Variants in AEBP1 observed in about 807,000 individuals in gnomAD.
The protein encoded by AEBP1 is adipocyte enhancer-binding protein 1.
A neutral mutation model predicts 116.5 loss-of-function variants in AEBP1; 69 were observed. The ratio of observed to expected loss-of-function variants is 0.59; its 90% confidence interval spans 0.49 to 0.72. The LOEUF (loss-of-function observed/expected upper bound fraction) is 0.72, where lower values mean the gene tolerates loss of function less well. Ranked by LOEUF, AEBP1 falls within the 30% of genes least tolerant of loss-of-function variation. The pLI, the probability that AEBP1 is intolerant of heterozygous loss-of-function variation, is 0.00. For synonymous variants in AEBP1, 627 were observed against 627.3 expected (o/e 1.00, Z 0.01); for missense variants, 1,444 against 1,557.5 (o/e 0.93, Z 1.23).
At position 44,108,530 on chromosome 7, in the gene AEBP1, G is replaced by A. The variant is rs538315261; in HGVS notation, c.941-369G>A. 1.8e-4 allele frequency among the ~76,000 whole-genome samples: 27 copies of A among 152,110 alleles called. No individual in the cohort carries two copies. Among genetic ancestry groups the A allele is most frequent in the African/African-American group, 5.3e-4 (22 of 41,484 alleles). On this transcript the variant is annotated intron_variant, in intron 6 of 20. Transcript: ENST00000223357. The surrounding 1 kb of genome is among the most constrained non-coding windows in gnomAD (Gnocchi z 5.0). Reference sequence around the variant, plus strand: ...CCTCCTGGGTGGCAGCCCGTGCATCGCCATTTCCCTGCCCCCAGGTCCCCA... The same window carrying A: ...CCTCCTGGGTGGCAGCCCGTGCATCACCATTTCCCTGCCCCCAGGTCCCCA...
chr7:44,111,832 A>G lies in AEBP1; in HGVS notation c.1841-22A>G. On this transcript the variant is annotated intron_variant, in intron 15 of 20. Transcript: ENST00000223357. The surrounding 1 kb of genome is among the most constrained non-coding windows in gnomAD (Gnocchi z 4.7). ...CTGGGCCTCGGGAGACTGAGTGCTC[A>G]CTGAGGCTCCCGCCCTTGCAGGGGA... 6.2e-7 allele frequency: 1 copy of G among 1,606,132 alleles called. No homozygotes were observed. The highest frequency in any genetic ancestry group is 1.7e-5 in the Admixed American group (1 of 59,246).
Position 44,104,483 on chromosome 7 carries a change from G to C in AEBP1, c.-183G>C. 2.1e-6 allele frequency: 1 copy of C among 466,198 alleles called. No homozygotes were observed. Among genetic ancestry groups the C allele is most frequent in the Non-Finnish European group, 3.7e-6 (1 of 271,336 alleles). The allele number at this position is 466,198 out of a possible 1,614,324, so 28.9% of individuals were successfully genotyped here. On this transcript the variant is annotated 5_prime_UTR_variant, in exon 1 of 21. Coordinates refer to ENST00000223357, the MANE Select transcript of AEBP1 (RefSeq NM_001129.5). ...GGAGCCCCCCAGCACCCCTTCCCGG[G>C]TCCCCTCGCCCACCCTAATCCACTC... is the stretch of plus-strand genomic sequence containing the variant.
rs2096225771 is a variant in AEBP1 at position 44,108,887 on chromosome 7, C to G, written c.941-12C>G. Reference sequence around the variant, plus strand: ...GGTCAGGGCAGCCTCAGCTGGCTCTCCCTCCCCATAGTGGACTATTACTTT... The same window carrying G: ...GGTCAGGGCAGCCTCAGCTGGCTCTGCCTCCCCATAGTGGACTATTACTTT... On this transcript the variant is annotated splice_polypyrimidine_tract_variant and intron_variant, in intron 6 of 20. Transcript: ENST00000223357. This position sits in a 1 kb window ranked among gnomAD's most constrained non-coding sequence, Gnocchi z 5.0. The G allele has an allele frequency of 1.9e-6, 3 of 1,566,926 alleles. No individual in the cohort carries two copies. Among genetic ancestry groups the G allele is most frequent in the Non-Finnish European group, 2.6e-6 (3 of 1,156,684 alleles).
chr7:44,113,683 T>C lies in AEBP1; in HGVS notation c.2899T>C (p.Cys967Arg). Residue 967 changes from cysteine to arginine, a missense_variant, in exon 21 of 21, where the codon TGC becomes CGC. By Grantham distance (180) the Cys-to-Arg change is radical. Transcript: ENST00000223357. This position sits in a 1 kb window ranked among gnomAD's most constrained non-coding sequence, Gnocchi z 5.3. ...AEGYTPSAKT[C>R]NVDYDIGATQ... ...GGGCTACACCCCGAGCGCCAAGACC[T>C]GCAATGTTGACTATGACATCGGGGC... is the stretch of plus-strand genomic sequence containing the variant. The C allele has an allele frequency of 6.2e-7, 1 of 1,613,972 alleles. No individual in the cohort carries two copies. Among genetic ancestry groups the C allele is most frequent in the Non-Finnish European group, 8.5e-7 (1 of 1,179,958 alleles).
Position 44,106,860 on chromosome 7 carries a change from G to A in AEBP1, c.568G>A (p.Gly190Ser), listed in dbSNP as rs1177870265. 5 of 1,593,018 alleles carry A rather than the reference G, an allele frequency of 3.1e-6. No homozygotes were observed. The highest frequency in any genetic ancestry group is 4.3e-6 in the Non-Finnish European group (5 of 1,171,626). The part of the protein sequence containing the change: ...EWPLPPPPSP[G>S]PEELPQEGGA... Reference sequence around the variant, plus strand: ...GCCACTGCCCCCACCCCCCAGCCCTGGCCCCGAGGAGCTACCCCAGGAGGG... The same window carrying A: ...GCCACTGCCCCCACCCCCCAGCCCTAGCCCCGAGGAGCTACCCCAGGAGGG... Residue 190 changes from glycine to serine, a missense_variant, in exon 2 of 21, where the codon GGC becomes AGC. Coordinates refer to ENST00000223357, the MANE Select transcript of AEBP1 (RefSeq NM_001129.5).
In AEBP1 at chr7:44,112,699, G is replaced by A. The variant is rs759775732; in HGVS notation, c.2359G>A (p.Ala787Thr). 6.2e-7 allele frequency: 1 copy of A among 1,613,036 alleles called. No homozygotes were observed. The highest frequency in any genetic ancestry group is 1.3e-5 in the African/African-American group (1 of 74,910). ...GCCTACCCAGGAGCAGCTGCTGGCCGCAGCCATGGCAGCAGCCCGGGGGGA... is the reference window on the plus strand; with the variant it reads ...GCCTACCCAGGAGCAGCTGCTGGCCACAGCCATGGCAGCAGCCCGGGGGGA... ...RTPTQEQLLA[A>T]AMAAARGEDE... is the part of the protein sequence containing the mutation. Residue 787 changes from alanine to threonine, a missense_variant, in exon 18 of 21, where the codon GCA becomes ACA. By Grantham distance (58) the Ala-to-Thr change is moderately conservative. Coordinates refer to ENST00000223357, the MANE Select transcript of AEBP1 (RefSeq NM_001129.5). The surrounding 1 kb of genome is among the most constrained non-coding windows in gnomAD (Gnocchi z 6.6).
Position 44,113,810 on chromosome 7 carries a change from G to T in AEBP1, c.3026G>T (p.Arg1009Leu). Residue 1009 changes from arginine (R) to leucine (L), a missense_variant, in exon 21 of 21, where the codon CGC becomes CTC. Transcript: ENST00000223357. The surrounding 1 kb of genome is among the most constrained non-coding windows in gnomAD (Gnocchi z 5.3). ...CCTATCCCACACATAGACCCATCGC[G>T]CCCTATGACCCCCCAACAGCGACGC... is the stretch of plus-strand genomic sequence containing the variant. ...NRPIPHIDPS[R>L]PMTPQQRRLQ... The T allele has an allele frequency of 6.2e-7, 1 of 1,613,962 alleles. No homozygotes were observed. The highest frequency in any genetic ancestry group is 1.1e-5 in the South Asian group (1 of 91,084).
In AEBP1 at chr7:44,111,036, G is replaced by A; in HGVS notation, c.1609G>A (p.Val537Met). ...TGGCAGCCTGTGCATGCGCCTGGAG[G>A]TGCTGGGGTGCTCTGTGGCCCGTGA... is the stretch of plus-strand genomic sequence containing the variant. ...WNGSLCMRLEVLGCSVAPVYS... is the reference protein window; with the variant it reads ...WNGSLCMRLEMLGCSVAPVYS... Residue 537 changes from valine (V) to methionine (M), a missense_variant, in exon 13 of 21, where the codon GTG becomes ATG. By Grantham distance (21) the Val-to-Met change is conservative. Coordinates refer to ENST00000223357, the MANE Select transcript of AEBP1 (RefSeq NM_001129.5). This position sits in a 1 kb window ranked among gnomAD's most constrained non-coding sequence, Gnocchi z 4.7. 6.2e-7 allele frequency: 1 copy of A among 1,612,222 alleles called. No individual in the cohort carries two copies. The highest frequency in any genetic ancestry group is 1.1e-5 in the South Asian group (1 of 90,852).
In AEBP1 at chr7:44,107,098, C is replaced by G. The variant is rs79825527; in HGVS notation, c.595+211C>G. Among the ~76,000 whole-genome samples, 613 of 152,368 alleles carry G rather than the reference C, an allele frequency of 4.0e-3. 2 individuals are homozygous for G. The highest frequency in any genetic ancestry group is 0.014 in the African/African-American group (578 of 41,594). On this transcript the variant is annotated intron_variant, in intron 2 of 20. Coordinates refer to ENST00000223357, the MANE Select transcript of AEBP1 (RefSeq NM_001129.5). The surrounding 1 kb of genome is among the most constrained non-coding windows in gnomAD (Gnocchi z 4.3). Reference sequence around the variant, plus strand: ...TTTGGGTAGGGAGAGGGCTTGGCAGCCTTTTGGGTGGGACCTCTGTCCCTC... The same window carrying G: ...TTTGGGTAGGGAGAGGGCTTGGCAGGCTTTTGGGTGGGACCTCTGTCCCTC...
intron 1 of AEBP1, among the ~76,000 whole-genome samples, chr7:44,105,582 C>G (rs1325939466): frequency 6.6e-6 from 1 of 152,092 alleles, no homozygotes; most frequent in East Asian, 1.9e-4. Context: ...CACCATCCAA[C>G]ATTCCTGATG....
Position 44,104,446 on chromosome 7 carries a change from C to T in AEBP1, c.-220C>T, listed in dbSNP as rs1370726806. On this transcript the variant is annotated 5_prime_UTR_variant, in exon 1 of 21. Transcript: ENST00000223357. ...CGGAGCGCCCCGACCACCCCTGAGC[C>T]CCTCTGGCTTCGGAGCCCCCCAGCA... The T allele has an allele frequency of 2.5e-6, 1 of 407,938 alleles. No individual in the cohort carries two copies. Among genetic ancestry groups the T allele is most frequent in the African/African-American group, 2.1e-5 (1 of 47,558 alleles). The allele number at this position is 407,938 out of a possible 1,614,324, so 25.3% of individuals were successfully genotyped here.
Position 44,114,362 on chromosome 7 carries a change from C to T in AEBP1, c.*101C>T, listed in dbSNP as rs113592869. 24 of 1,326,168 alleles carry T rather than the reference C, an allele frequency of 1.8e-5. No homozygotes were observed. In the African/African-American group the frequency reaches 2.2e-4, roughly 12 times the overall value. 82.2% of individuals were successfully genotyped at this position (1,326,168 alleles called of 1,614,324 possible). The stretch of plus-strand genomic sequence containing the variant: ...ACATCACCCATCAGCACATGGAAGG[C>T]CCCTGGTATGGACACTGAAAGGAAG... On this transcript the variant is annotated 3_prime_UTR_variant, in exon 21 of 21. Transcript: ENST00000223357.
In AEBP1 at chr7:44,104,517, T is replaced by A; in HGVS notation, c.-149T>A. The A allele has an allele frequency of 8.5e-6, 4 of 469,354 alleles. No individual in the cohort carries two copies. The highest frequency in any genetic ancestry group is 1.1e-5 in the Non-Finnish European group (3 of 283,634). 29.1% of individuals were successfully genotyped at this position (469,354 alleles called of 1,614,324 possible). A position where few individuals can be genotyped will look rare whatever the true frequency, so the allele number is the denominator to read the frequency against. ...CCCACCCTAATCCACTCTCCCTCCCTTTCCCGGATTCCCTCGCTCACCCCA... is the reference window on the plus strand; with the variant it reads ...CCCACCCTAATCCACTCTCCCTCCCATTCCCGGATTCCCTCGCTCACCCCA... On this transcript the variant is annotated 5_prime_UTR_variant, in exon 1 of 21. Coordinates refer to ENST00000223357, the MANE Select transcript of AEBP1 (RefSeq NM_001129.5).
chr7:44,109,858 G>C lies in AEBP1; in HGVS notation c.1151-157G>C, dbSNP rs45560031. On this transcript the variant is annotated intron_variant, in intron 9 of 20. Coordinates refer to ENST00000223357, the MANE Select transcript of AEBP1 (RefSeq NM_001129.5). ...CCTGGCTTTGAGTCGATTCCAGGTG[G>C]GCTGGTGCAGGGCACCAGGGAGCCA... is the stretch of plus-strand genomic sequence containing the variant. 0.043 allele frequency: 27,743 copies of C among 651,950 alleles called. 737 individuals are homozygous for C. The highest frequency in any genetic ancestry group is 0.056 in the Non-Finnish European group (21,248 of 380,988). 40.4% of individuals were successfully genotyped at this position (651,950 alleles called of 1,614,324 possible).
At position 44,110,896 on chromosome 7, in the gene AEBP1, GGCCT is replaced by G; in HGVS notation, c.1486-12_1486-9del. ...AGAGGGGCTGGCAGTACTGCTCTGAGGCCTGCCTCTCCCCAGACCTTTCATGGGA... is the reference window on the plus strand; with the variant it reads ...AGAGGGGCTGGCAGTACTGCTCTGAGGCCTCTCCCCAGACCTTTCATGGGA... On this transcript the variant is annotated splice_polypyrimidine_tract_variant and intron_variant, in intron 12 of 20. Transcript: ENST00000223357. 6.2e-7 allele frequency: 1 copy of G among 1,613,770 alleles called. No homozygotes were observed. Among genetic ancestry groups the G allele is most frequent in the Admixed American group, 1.7e-5 (1 of 60,016 alleles).
Position 44,109,197 on chromosome 7 carries a change from G to A in AEBP1, c.1096+13G>A, listed in dbSNP as rs1355160277. On this transcript the variant is annotated intron_variant, in intron 8 of 20. Transcript: ENST00000223357. ...AAGGACCACAAAGGTGTGTGGCTGG[G>A]GCTTGGGGCCTGGGTCCCTGTGGGG... is the stretch of plus-strand genomic sequence containing the variant. 6.2e-7 allele frequency: 1 copy of A among 1,613,412 alleles called. No homozygotes were observed. The highest frequency in any genetic ancestry group is 8.5e-7 in the Non-Finnish European group (1 of 1,179,914).
In AEBP1 at chr7:44,113,448, G is replaced by A; in HGVS notation, c.2809+97G>A. 6.9e-7 allele frequency: 1 copy of A among 1,442,252 alleles called. No homozygotes were observed. Among genetic ancestry groups the A allele is most frequent in the Non-Finnish European group, 9.4e-7 (1 of 1,063,850 alleles). The allele number at this position is 1,442,252 out of a possible 1,614,324, so 89.3% of individuals were successfully genotyped here. ...ACTCAGCGAGCAGGTAGAGTCTGGG[G>A]AGCCTGGGGGCGAAATTCAGAGAGG... is the stretch of plus-strand genomic sequence containing the variant. On this transcript the variant is annotated intron_variant, in intron 20 of 20. Transcript: ENST00000223357. The surrounding 1 kb of genome is among the most constrained non-coding windows in gnomAD (Gnocchi z 5.3).
chr7:44,109,577 T>C, intron 9 of AEBP1: 1 of 588,476 alleles, frequency 1.7e-6, no homozygotes, highest in Non-Finnish European at 3.0e-6. Context: ...GGGCCCCTAG[T>C]GGCTGGGCGT....
intron 1 of AEBP1, chr7:44,106,247 A>C (rs1435642288): frequency 1.7e-6 from 1 of 578,682 alleles, no homozygotes; most frequent in African/African-American, 1.8e-5. Flanking sequence ...GATAGTAAGG[A>C]ACCCCTATTG....
Sources: gnomAD v4.1 joint callset for allele counts (sites outside exome capture counted in the v4.1 genomes callset) on GRCh38, gnomAD v4.1.1 for gene constraint, Gnocchi (gnomAD v3.1) non-coding constraint, MANE v1.5 for transcripts, NCBI Gene and HGNC (gene_info 2026-07-23, HGNC 2026-07-21) for gene names.